The following ABCA13 variants were observed in gnomAD, a reference collection of about 807,000 sequenced individuals.
ABCA13 encodes ATP-binding cassette sub-family A member 13.
ABCA13 carries 476 observed loss-of-function variants against 478.7 expected under a neutral mutation model. That is an observed-to-expected ratio of 0.99 (90% CI 0.92 to 1.07). The LOEUF (loss-of-function observed/expected upper bound fraction) is 1.07, where lower values mean the gene tolerates loss of function less well. Ranked by LOEUF, ABCA13 falls within the 50% of genes least tolerant of loss-of-function variation. ABCA13 has a pLI of 0.00. For synonymous variants in ABCA13, 2,252 were observed against 2,158.9 expected (o/e 1.04, Z -1.20); for missense variants, 6,060 against 5,910.6 (o/e 1.03, Z -0.83).
chr7:48,352,048 G>T (rs944615452), intron 30 of ABCA13, 133 bp from the exon 31 acceptor site: 12 of 841,726 alleles, frequency 1.4e-5, no homozygotes, highest in Non-Finnish European at 2.1e-5. Context: ...GCGGGCTGGG[G>T]CTCTGAGTCT....
At chr7:48,363,226 C>A (rs17548588) in intron 31 of ABCA13, among the ~76,000 whole-genome samples, 5,877 of 152,236 alleles carry the variant, frequency 0.039, 135 homozygotes, top group South Asian at 0.058. Context: ...ATTTGAAGGA[C>A]ATCTTGGCTG....
At chr7:48,521,977 A>AAG in intron 53 of ABCA13, among the ~76,000 whole-genome samples, 1 of 152,228 alleles carries the variant, frequency 6.6e-6, no homozygotes, top group East Asian at 1.9e-4. Flanking sequence ...GTTCTTAGCA[A>AAG]GCCCCCCTGA....
intron 55 of ABCA13, among the ~76,000 whole-genome samples, chr7:48,563,794 TTGTGTGTGTGTGTGTGTG>T (rs200813371): frequency 9.0e-4 from 92 of 101,658 alleles, no homozygotes; most frequent in Non-Finnish European, 9.4e-4. Context: ...TGTTTACTGC[TTGTGTGTGTGTGTGTGTG>T]TGTGTGTGTG....
intron 27 of ABCA13, among the ~76,000 whole-genome samples, chr7:48,333,565 A>T (rs1049665120): frequency 1.3e-5 from 2 of 152,202 alleles, no homozygotes; most frequent in African/African-American, 2.4e-5. Context: ...TTTGAGCCCT[A>T]TGTAAAAATC....
chr7:48,249,383 G>A (rs754901957), intron 15 of ABCA13, 32 bp downstream of exon 15: 4 of 1,608,062 alleles, frequency 2.5e-6, no homozygotes, highest in African/African-American at 2.7e-5. Context: ...CAGGAATGGG[G>A]GATGCTTTCC....
intron 42 of ABCA13, among the ~76,000 whole-genome samples, chr7:48,439,628 A>G (rs1823311894): frequency 6.6e-6 from 1 of 152,144 alleles, no homozygotes; most frequent in South Asian, 2.1e-4. Flanking sequence ...AACTTTTGTA[A>G]TACTATATAA....
intron 48 of ABCA13, among the ~76,000 whole-genome samples, chr7:48,492,212 C>T (rs974325455): frequency 2.0e-5 from 3 of 152,262 alleles, no homozygotes; most frequent in African/African-American, 4.8e-5. Context: ...CTTTCCCCTC[C>T]GTGTAGCTGG....
At chr7:48,539,809 G>A (rs1833839624) in intron 55 of ABCA13, among the ~76,000 whole-genome samples, 1 of 152,158 alleles carries the variant, frequency 6.6e-6, no homozygotes, top group South Asian at 2.1e-4. Flanking sequence ...AAACAGACAT[G>A]CTGTTGTCAT....
chr7:48,397,200 T>C (rs1024638259), intron 38 of ABCA13, among the ~76,000 whole-genome samples: 5 of 152,132 alleles, frequency 3.3e-5, no homozygotes, highest in African/African-American at 1.2e-4. Context: ...ATCGCAAAAT[T>C]AGGAGACCTG....
intron 50 of ABCA13, among the ~76,000 whole-genome samples, chr7:48,510,799 G>T (rs947605353): frequency 1.1e-4 from 17 of 151,982 alleles, no homozygotes; most frequent in African/African-American, 3.6e-4. Flanking sequence ...TTGGATGAGG[G>T]CTCACCCAAT....
chr7:48,539,934 T>G (rs1000391170), intron 55 of ABCA13, among the ~76,000 whole-genome samples: 1 of 152,216 alleles, frequency 6.6e-6, no homozygotes, highest in Admixed American at 6.5e-5. Flanking sequence ...GCAGTTTTAC[T>G]TGGGTTAATC....
chr7:48,293,192 G>GCCCCACCC (rs1554419599), intron 20 of ABCA13, among the ~76,000 whole-genome samples: 4 of 108,324 alleles, frequency 3.7e-5, no homozygotes, highest in African/African-American at 1.2e-4. Context: ...GAAGTCTTCA[G>GCCCCACCC]CCCCCCCCCC....
chr7:48,191,140 C>T (rs1797051687), intron 1 of ABCA13, among the ~76,000 whole-genome samples: 1 of 152,166 alleles, frequency 6.6e-6, no homozygotes, highest in Non-Finnish European at 1.5e-5. Flanking sequence ...CACCTCCCTA[C>T]CCCAATACTC....
chr7:48,540,263 ATT>A (rs1251446321), intron 55 of ABCA13, among the ~76,000 whole-genome samples: 3 of 152,148 alleles, frequency 2.0e-5, no homozygotes, highest in African/African-American at 7.2e-5. Context: ...AATTAGGTTT[ATT>A]TCTTCATCCC....
rs192171613 is a variant in ABCA13, at chr7:48,552,842, A to G, written c.14354+24497A>G. Among the ~76,000 whole-genome samples, 47 of 151,742 alleles carry G rather than the reference A, an allele frequency of 3.1e-4. 1 individual carries two copies. The highest frequency in any genetic ancestry group is 5.9e-4 in the Admixed American group (9 of 15,190). ...TTTGTTATAACAATCCAATTATACT[A>G]TTAGTTATTTTAAAATGTATAATTA... On this transcript the variant is annotated intron_variant, in intron 55 of 61. Transcript: ENST00000435803.
At chr7:48,416,772 C>T (rs1169740778) in intron 41 of ABCA13, among the ~76,000 whole-genome samples, 2 of 151,996 alleles carry the variant, frequency 1.3e-5, no homozygotes, top group Non-Finnish European at 2.9e-5. Context: ...CCAGGTCCAG[C>T]CTCCCACCTG....
chr7:48,601,900 T>G (rs544953347), intron 58 of ABCA13, among the ~76,000 whole-genome samples: 14 of 152,346 alleles, frequency 9.2e-5, no homozygotes, highest in Admixed American at 5.2e-4. Context: ...TTCTGACTTT[T>G]TAATGATCAC....
At chr7:48,643,548 TAG>T (rs1795253540) in intron 60 of ABCA13, among the ~76,000 whole-genome samples, 155 bp downstream of exon 60, 1 of 152,214 alleles carries the variant, frequency 6.6e-6, no homozygotes, top group East Asian at 1.9e-4. Context: ...CTACCAAAAA[TAG>T]CATGGATAGC....
chr7:48,439,739 T>C (rs1823327484), intron 42 of ABCA13, among the ~76,000 whole-genome samples: 1 of 152,180 alleles, frequency 6.6e-6, no homozygotes, highest in African/African-American at 2.4e-5. Context: ...AGAAGTAAAC[T>C]GGAAGTTTAC....
Sources: allele counts gnomAD v4.1 joint callset (sites outside exome capture counted in the v4.1 genomes callset), GRCh38; gene constraint gnomAD v4.1.1; transcripts MANE v1.5; gene names NCBI Gene and HGNC (gene_info 2026-07-23, HGNC 2026-07-21).